Variants in L2HGDH observed in about 807,000 individuals in gnomAD.
L2HGDH encodes L-2-hydroxyglutarate dehydrogenase, mitochondrial.
Under a neutral mutation model 51.5 loss-of-function variants are expected in L2HGDH, and 34 were observed. The ratio of observed to expected loss-of-function variants is 0.66; its 90% CI spans 0.50 to 0.88. The LOEUF (loss-of-function observed/expected upper bound fraction) is 0.88, where lower values mean the gene tolerates loss of function less well. L2HGDH is among the 40% of genes least tolerant of loss of function. The pLI is 0.00. For missense variants in L2HGDH, 558 were observed against 571.9 expected, an observed-to-expected ratio of 0.98 and a Z score of 0.25; for synonymous variants, 198 against 197.9, an observed-to-expected ratio of 1.00 and a Z score of -0.01.
chr14:50,283,713 ACTAT>A (rs1890402889), intron 5 of L2HGDH, 154 bp downstream of exon 5: 4 of 614,836 alleles, frequency 6.5e-6, no homozygotes, highest in Non-Finnish European at 2.8e-6. Flanking sequence ...TTTTTGTTAT[ACTAT>A]CTTTTTTATT....
At position 50,265,390 on chromosome 14, in the gene L2HGDH, G is replaced by A; in HGVS notation, c.1164C>T (p.Phe388=). Residue 388 remains phenylalanine (F), a synonymous_variant, in exon 9 of 10, where the codon TTC becomes TTT. Coordinates refer to ENST00000267436, the MANE Select transcript of L2HGDH (RefSeq NM_024884.3). ...TATCACTGATAGTAATTTCAGGGAT[G>A]AATTTTTGAAGATACTTCACTGTTG... ...LGATVKYLQK[F]IPEITISDIL... The A allele has an allele frequency of 6.2e-7, 1 of 1,611,744 alleles. No homozygotes were observed. Among genetic ancestry groups the A allele is most frequent in the African/African-American group, 1.3e-5 (1 of 74,968 alleles).
chr14:50,259,475 G>T (rs1270198821), intron 9 of L2HGDH, among the ~76,000 whole-genome samples: 8 of 147,406 alleles, frequency 5.4e-5, no homozygotes, highest in African/African-American at 1.3e-4. Flanking sequence ...CTCTCAAAGT[G>T]CTGAGATTAC....
At chr14:50,284,923 CA>C (rs1890484953) in intron 4 of L2HGDH, among the ~76,000 whole-genome samples, 1 of 152,160 alleles carries the variant, frequency 6.6e-6, no homozygotes, top group African/African-American at 2.4e-5. Context: ...ACCATCACCC[CA>C]ACATATTCCC....
At chr14:50,271,674 C>T (rs1355029254) in intron 6 of L2HGDH, among the ~76,000 whole-genome samples, 1 of 151,494 alleles carries the variant, frequency 6.6e-6, no homozygotes, top group Non-Finnish European at 1.5e-5. Context: ...GACCTTGTCT[C>T]CCTATGTTTT....
intron 4 of L2HGDH, among the ~76,000 whole-genome samples, chr14:50,284,792 T>C: frequency 6.6e-6 from 1 of 152,126 alleles, no homozygotes; most frequent in East Asian, 1.9e-4. Context: ...AGACGGTGAG[T>C]GCTATTAATA....
chr14:50,293,630 C>T (rs552417501), intron 4 of L2HGDH, among the ~76,000 whole-genome samples: 1 of 152,210 alleles, frequency 6.6e-6, no homozygotes, highest in African/African-American at 2.4e-5. Context: ...TTTGGGAGGT[C>T]GAGGCAGGAG....
intron 8 of L2HGDH, among the ~76,000 whole-genome samples, chr14:50,267,349 A>AT (rs1214997808): frequency 2.0e-5 from 3 of 151,618 alleles, no homozygotes; most frequent in Admixed American, 6.6e-5. Flanking sequence ...CGCCTAGCTA[A>AT]TTTTTTGTAT....
intron 1 of L2HGDH, among the ~76,000 whole-genome samples, chr14:50,304,674 A>C (rs1396637735): frequency 2.6e-5 from 4 of 152,152 alleles, no homozygotes. Flanking sequence ...TCTCTACTAA[A>C]AATACAAAAA....
At chr14:50,248,686 GA>G (rs1888153170) in intron 9 of L2HGDH, among the ~76,000 whole-genome samples, 1 of 152,198 alleles carries the variant, frequency 6.6e-6, no homozygotes, top group Admixed American at 6.5e-5. Flanking sequence ...CTGGACAAGA[GA>G]TTTTTTAGCT....
chr14:50,285,957 C>T (rs1162592941), intron 4 of L2HGDH, among the ~76,000 whole-genome samples: 1 of 152,190 alleles, frequency 6.6e-6, no homozygotes, highest in Non-Finnish European at 1.5e-5. Flanking sequence ...GTCATCATCA[C>T]CATGCAATCC....
intron 1 of L2HGDH, among the ~76,000 whole-genome samples, 161 bp downstream of exon 1, chr14:50,311,850 T>G (rs920451658): frequency 2.6e-5 from 4 of 152,208 alleles, no homozygotes; most frequent in Non-Finnish European, 5.9e-5. Flanking sequence ...CGAATGAACC[T>G]GCAGGTTGGT....
chr14:50,244,472 G>T lies in L2HGDH; in HGVS notation c.*2586C>A. On this transcript the variant is annotated 3_prime_UTR_variant, in exon 10 of 10. Coordinates refer to ENST00000267436, the MANE Select transcript of L2HGDH (RefSeq NM_024884.3). ...GCAATCGTACTACTGACAAAATACAGAATGATAATATTTTCCATCTCTTAG... is the reference window on the plus strand; with the variant it reads ...GCAATCGTACTACTGACAAAATACATAATGATAATATTTTCCATCTCTTAG... 1 of 985,206 alleles carries T rather than the reference G, an allele frequency of 1.0e-6. No individual in the cohort carries two copies. 61.0% of individuals were successfully genotyped at this position (985,206 alleles called of 1,614,324 possible). A position where few individuals can be genotyped will look rare whatever the true frequency, so the allele number is the denominator to read the frequency against.
intron 1 of L2HGDH, chr14:50,311,549 A>G: frequency 2.3e-6 from 1 of 443,188 alleles, no homozygotes; most frequent in Non-Finnish European, 4.5e-6. Flanking sequence ...CGGGGGCAAC[A>G]CTATGCGGGG....
At chr14:50,296,243 G>A (rs2030035958) in intron 3 of L2HGDH, among the ~76,000 whole-genome samples, 1 of 151,516 alleles carries the variant, frequency 6.6e-6, no homozygotes, top group Non-Finnish European at 1.5e-5. Flanking sequence ...GTGTGGTGGT[G>A]TGCACCTGTA....
At chr14:50,259,971 G>C (rs1384620459) in intron 9 of L2HGDH, among the ~76,000 whole-genome samples, 1 of 141,896 alleles carries the variant, frequency 7.0e-6, no homozygotes, top group African/African-American at 2.7e-5. Flanking sequence ...GAGAAAGAAG[G>C]AGAGAGAAGA....
At chr14:50,267,428 T>G (rs1889407676) in intron 8 of L2HGDH, among the ~76,000 whole-genome samples, 1 of 152,168 alleles carries the variant, frequency 6.6e-6, no homozygotes, top group African/African-American at 2.4e-5. Context: ...ATGATCCACC[T>G]GCCTCGGCCT....
chr14:50,301,900 G>C (rs1595144751), intron 3 of L2HGDH, 117 bp downstream of exon 3: 1 of 1,053,828 alleles, frequency 9.5e-7, no homozygotes, highest in East Asian at 2.6e-5. Flanking sequence ...CCTAAGATTA[G>C]ATTTGAAAAA....
At chr14:50,306,600 G>GC (rs1459462524) in intron 1 of L2HGDH, among the ~76,000 whole-genome samples, 7 of 133,220 alleles carry the variant, frequency 5.3e-5, no homozygotes, top group African/African-American at 2.0e-4. Context: ...TTGTTTTGGG[G>GC]TTTTTTTTTT....
intron 1 of L2HGDH, among the ~76,000 whole-genome samples, chr14:50,306,049 C>CT (rs34244656): frequency 6.4e-4 from 90 of 141,338 alleles, no homozygotes; most frequent in African/African-American, 1.3e-3. Flanking sequence ...TTTTGACTGA[C>CT]TTTTTTTTTT....
Sources: gnomAD v4.1 joint callset for allele counts (sites outside exome capture counted in the v4.1 genomes callset) on GRCh38, gnomAD v4.1.1 for gene constraint, MANE v1.5 for transcripts, NCBI Gene and HGNC (gene_info 2026-07-23, HGNC 2026-07-21) for gene names.